DIS3L2: variants seen among roughly 807,000 people sequenced by gnomAD.
The protein encoded by DIS3L2 is DIS3-like exonuclease 2.
Under a neutral mutation model 97.5 loss-of-function variants are expected in DIS3L2, and 34 were observed. That is an observed-to-expected ratio of 0.35 (90% confidence interval 0.27 to 0.46). DIS3L2 has a LOEUF of 0.46. DIS3L2 is among the 20% of genes least tolerant of loss of function. The pLI, the probability that DIS3L2 is intolerant of heterozygous loss-of-function variation, is 1.00. For synonymous variants in DIS3L2, 435 were observed against 445.2 expected (o/e 0.98, Z 0.29); for missense variants, 1,038 against 1,146.0 (o/e 0.91, Z 1.36).
chr2:232,221,575 G>A (rs1176842154), intron 10 of DIS3L2, among the ~76,000 whole-genome samples: 1 of 152,148 alleles, frequency 6.6e-6, no homozygotes, highest in African/African-American at 2.4e-5. Flanking sequence ...AGACCAAGGC[G>A]GGTGGATCAC....
intron 14 of DIS3L2, among the ~76,000 whole-genome samples, chr2:232,311,857 G>A (rs933353336): frequency 1.3e-5 from 2 of 152,058 alleles, no homozygotes; most frequent in Admixed American, 1.3e-4. Flanking sequence ...TTCCATTTTG[G>A]GGTTATTATA....
chr2:231,991,903 A>G (rs961447378), intron 1 of DIS3L2, among the ~76,000 whole-genome samples: 4 of 151,886 alleles, frequency 2.6e-5, no homozygotes, highest in African/African-American at 9.7e-5. Flanking sequence ...GGAACTGGGG[A>G]TACAGTGATG....
At chr2:232,226,396 CCTCT>C (rs1387615805) in intron 10 of DIS3L2, among the ~76,000 whole-genome samples, 2 of 152,218 alleles carry the variant, frequency 1.3e-5, no homozygotes, top group Non-Finnish European at 2.9e-5. Context: ...AATCATTTAA[CCTCT>C]CTGAGTCTGA....
chr2:232,323,733 G>C (rs1324901851), intron 14 of DIS3L2, among the ~76,000 whole-genome samples: 1 of 152,244 alleles, frequency 6.6e-6, no homozygotes, highest in Admixed American at 6.5e-5. Context: ...AGAGGCCCGA[G>C]CTGTGACTGG....
At position 232,281,724 on chromosome 2, in the gene DIS3L2, A is replaced by G. The variant is rs1395176428; in HGVS notation, c.1659+18284A>G. On this transcript the variant is annotated intron_variant, in intron 13 of 20. Coordinates refer to ENST00000325385, the MANE Select transcript of DIS3L2 (RefSeq NM_152383.5). This position sits in a 1 kb window ranked among gnomAD's most constrained non-coding sequence, Gnocchi z 4.1. ...CGTGCCACCCAGGAGCATCATCGGC[A>G]CCACCCAGGGGAGGAAGAGCAGGCA... Among the ~76,000 whole-genome samples, 1 of 152,144 alleles carries G rather than the reference A, an allele frequency of 6.6e-6. No individual in the cohort carries two copies. Among genetic ancestry groups the G allele is most frequent in the Non-Finnish European group, 1.5e-5 (1 of 68,006 alleles).
chr2:232,130,666 A>G lies in DIS3L2; in HGVS notation c.649A>G (p.Ile217Val), dbSNP rs1574898139. ...APVTKDETTCISQDTRALSEK... is the reference protein window; with the variant it reads ...APVTKDETTCVSQDTRALSEK... ...GGTTACAAAAGATGAGACCACCTGC[A>G]TTTCACAAGACACAAGAGCTTTATC... Residue 217 changes from isoleucine (I) to valine (V), a missense_variant, in exon 7 of 21, where the codon ATT becomes GTT. Ile to Val is a conservative substitution (Grantham distance 29, BLOSUM62 3). Around this residue, in one of 3 missense-constraint regions of DIS3L2, gnomAD observed 813 missense variants for 880.1 expected, o/e 0.92. Coordinates refer to ENST00000325385, the MANE Select transcript of DIS3L2 (RefSeq NM_152383.5). 3.7e-6 allele frequency: 6 copies of G among 1,613,974 alleles called. No individual in the cohort carries two copies. In the East Asian group the frequency reaches 1.3e-4, roughly 36 times the overall value.
At chr2:232,266,786 G>T (rs1181927430) in intron 13 of DIS3L2, among the ~76,000 whole-genome samples, 1 of 152,120 alleles carries the variant, frequency 6.6e-6, no homozygotes, top group South Asian at 2.1e-4. Flanking sequence ...CACTATGTCC[G>T]TGCTTTTGGT....
In DIS3L2 at chr2:232,147,250, C is replaced by T. The variant is rs922032038; in HGVS notation, c.950+10531C>T. ...CCTCCCAAAGTGCTGGGATTACAGG[C>T]GTGAGCTAGCATGTCCGGCCCATAA... is the stretch of plus-strand genomic sequence containing the variant. On this transcript the variant is annotated intron_variant, in intron 8 of 20. Transcript: ENST00000325385. 7.2e-5 allele frequency among the ~76,000 whole-genome samples: 11 copies of T among 152,186 alleles called. No homozygotes were observed. In the East Asian group the frequency reaches 7.7e-4, roughly 11 times the overall value.
At chr2:232,000,613 T>TTTTCCTTTCCTTTTCCTTTCCTTTCC (rs1693854341) in intron 1 of DIS3L2, among the ~76,000 whole-genome samples, 3 of 107,316 alleles carry the variant, frequency 2.8e-5, no homozygotes, top group African/African-American at 1.2e-4. Flanking sequence ...CTTTCCTTTC[T>TTTTCCTTTCCTTTTCCTTTCCTTTCC]TTTCCTTTCC....
chr2:232,342,029 A>G (rs989962629), downstream of DIS3L2, among the ~76,000 whole-genome samples: 5 of 152,168 alleles, frequency 3.3e-5, no homozygotes, highest in Non-Finnish European at 5.9e-5. Flanking sequence ...TAGACGATAG[A>G]TGATTGTTTT....
Position 232,251,334 on chromosome 2 carries a change from C to T in DIS3L2, c.1425+1988C>T, listed in dbSNP as rs141132484. Reference sequence around the variant, plus strand: ...AAATCTTGATACTTTAAAAAGGAAACATTTGGAGGGAAAAAAAGAGCTCTT... The same window carrying T: ...AAATCTTGATACTTTAAAAAGGAAATATTTGGAGGGAAAAAAAGAGCTCTT... On this transcript the variant is annotated intron_variant, in intron 12 of 20. Coordinates refer to ENST00000325385, the MANE Select transcript of DIS3L2 (RefSeq NM_152383.5). Among the ~76,000 whole-genome samples the T allele has an allele frequency of 8.5e-3, 1,286 of 151,936 alleles. 23 individuals are homozygous for T. Among genetic ancestry groups the T allele is most frequent in the Admixed American group, 0.048 (740 of 15,276 alleles).
intron 6 of DIS3L2, among the ~76,000 whole-genome samples, chr2:232,091,353 A>G (rs1696832218): frequency 6.6e-6 from 1 of 152,086 alleles, no homozygotes; most frequent in African/African-American, 2.4e-5. Context: ...CTCTATCTCC[A>G]TGAGTTCAGT....
chr2:232,254,433 G>T (rs1693501537), intron 12 of DIS3L2, among the ~76,000 whole-genome samples: 1 of 152,094 alleles, frequency 6.6e-6, no homozygotes, highest in South Asian at 2.1e-4. Context: ...GCCAATAGCG[G>T]TTATGTTTGG....
At chr2:232,327,344 G>C (rs562714001) in intron 14 of DIS3L2, among the ~76,000 whole-genome samples, 63 of 152,326 alleles carry the variant, frequency 4.1e-4, no homozygotes, top group African/African-American at 1.4e-3. Flanking sequence ...TCCCTCTTCC[G>C]GCAAGCCTGC....
chr2:232,074,734 G>A (rs765342410), intron 5 of DIS3L2, among the ~76,000 whole-genome samples: 1 of 152,064 alleles, frequency 6.6e-6, no homozygotes, highest in East Asian at 1.9e-4. Context: ...ACAGGCGCAT[G>A]TCACCATGCC....
chr2:232,106,678 A>G (rs1697365716), intron 6 of DIS3L2, among the ~76,000 whole-genome samples: 1 of 152,208 alleles, frequency 6.6e-6, no homozygotes. Context: ...CACCCCACTG[A>G]CAATATTAGA....
intron 11 of DIS3L2, among the ~76,000 whole-genome samples, chr2:232,243,829 G>T (rs187470844): frequency 4.9e-4 from 74 of 152,316 alleles, no homozygotes; most frequent in African/African-American, 1.7e-3. Flanking sequence ...GCTTCCCTGT[G>T]GGGAACTCTT....
intron 5 of DIS3L2, among the ~76,000 whole-genome samples, chr2:232,079,031 G>T (rs1232291976): frequency 2.0e-5 from 3 of 152,192 alleles, no homozygotes; most frequent in African/African-American, 2.4e-5. Flanking sequence ...AAAGACAATT[G>T]AGTACTACTG....
At chr2:232,260,745 G>A (rs12622345) in intron 12 of DIS3L2, 20,475 of 152,178 alleles carry the variant, frequency 0.13, 1,928 homozygotes, top group South Asian at 0.35. Context: ...CAAGAGTATT[G>A]ATTCTTCCTT....
Sources: allele counts gnomAD v4.1 joint callset (sites outside exome capture counted in the v4.1 genomes callset), GRCh38; gene constraint gnomAD v4.1.1; regional missense constraint gnomAD v4.1.1; non-coding constraint Gnocchi (gnomAD v3.1); transcripts MANE v1.5; gene names NCBI Gene and HGNC (gene_info 2026-07-23, HGNC 2026-07-21).